PDE4B: variants seen among roughly 807,000 people sequenced by gnomAD.
PDE4B encodes 3',5'-cyclic-AMP phosphodiesterase 4B.
A neutral mutation model predicts 82.2 loss-of-function variants in PDE4B; 20 were observed. The observed-to-expected ratio is 0.24, with a 90% CI of 0.17 to 0.35. The LOEUF (loss-of-function observed/expected upper bound fraction) is 0.35. Ranked by LOEUF, PDE4B falls within the 10% of genes least tolerant of loss-of-function variation. PDE4B has a pLI of 1.00. For missense variants in PDE4B, 655 were observed against 907.2 expected, an observed-to-expected ratio of 0.72 and a Z score of 3.57; for synonymous variants, 320 against 318.9, an observed-to-expected ratio of 1.00 and a Z score of -0.04.
At chr1:65,929,317 G>A (rs975435061) in intron 3 of PDE4B, among the ~76,000 whole-genome samples, 9 of 152,184 alleles carry the variant, frequency 5.9e-5, no homozygotes, top group Admixed American at 3.9e-4. Context: ...TGGGGATGGG[G>A]AAGCTGTTCC....
intron 3 of PDE4B, among the ~76,000 whole-genome samples, chr1:66,106,732 G>C (rs1645367501): frequency 6.6e-6 from 1 of 151,648 alleles, no homozygotes; most frequent in Non-Finnish European, 1.5e-5. Flanking sequence ...GCATAGAGGT[G>C]TTTGTAGTAT....
intron 1 of PDE4B, among the ~76,000 whole-genome samples, chr1:65,856,143 A>G (rs746025493): frequency 5.9e-5 from 9 of 152,188 alleles, no homozygotes; most frequent in Non-Finnish European, 1.0e-4. Context: ...GACATTAATA[A>G]TTGAAAGATT....
At chr1:66,258,515 A>G (rs1022276450) in intron 6 of PDE4B, among the ~76,000 whole-genome samples, 7 of 152,320 alleles carry the variant, frequency 4.6e-5, no homozygotes, top group African/African-American at 1.4e-4. Context: ...ACTCTTCTGC[A>G]TGTTTTAAAA....
chr1:66,257,838 A>T lies in PDE4B; in HGVS notation c.559A>T (p.Thr187Ser). The change falls in exon 6 of 17, where the codon ACA becomes TCA. Residue 187 changes from threonine (T) to serine (S), a missense_variant. Thr to Ser is a moderately conservative substitution (Grantham distance 58). Around this residue, in one of 3 missense-constraint regions of PDE4B, gnomAD observed 253 missense variants for 275.6 expected, o/e 0.92. Coordinates refer to ENST00000341517, the MANE Select transcript of PDE4B (RefSeq NM_002600.4). ...RSVRNNFTILTNLHGTSNKRS... is the reference protein window; with the variant it reads ...RSVRNNFTILSNLHGTSNKRS... ...TGTGAGAAACAACTTCACTATACTGACAAACCTTCATGGTACATCTAACAA... is the reference window on the plus strand; with the variant it reads ...TGTGAGAAACAACTTCACTATACTGTCAAACCTTCATGGTACATCTAACAA... 1.2e-6 allele frequency: 2 copies of T among 1,613,200 alleles called. No homozygotes were observed. Among genetic ancestry groups the T allele is most frequent in the Non-Finnish European group, 1.7e-6 (2 of 1,179,218 alleles).
intron 4 of PDE4B, chr1:66,257,359 G>T: frequency 1.9e-6 from 1 of 535,238 alleles, no homozygotes; most frequent in Non-Finnish European, 3.5e-6. Context: ...ACAGTACTCT[G>T]GATCTGTTAT....
chr1:65,984,494 A>G (rs1650852415), intron 3 of PDE4B, among the ~76,000 whole-genome samples: 1 of 152,214 alleles, frequency 6.6e-6, no homozygotes, highest in African/African-American at 2.4e-5. Flanking sequence ...TTAAAAAGTA[A>G]AACAAAAGAG....
intron 3 of PDE4B, among the ~76,000 whole-genome samples, chr1:66,214,053 C>T (rs544600208): frequency 1.5e-4 from 23 of 152,266 alleles, no homozygotes; most frequent in Admixed American, 6.5e-4. Context: ...AAAGATGAGA[C>T]ATCAGGCCAA....
At chr1:66,014,545 C>T (rs1364220154) in intron 3 of PDE4B, among the ~76,000 whole-genome samples, 2 of 152,052 alleles carry the variant, frequency 1.3e-5, no homozygotes, top group Non-Finnish European at 2.9e-5. Context: ...TGGTACCCAG[C>T]TCTCCCAACA....
intron 3 of PDE4B, among the ~76,000 whole-genome samples, chr1:66,216,850 T>C (rs571208460): frequency 6.6e-6 from 1 of 152,264 alleles, no homozygotes; most frequent in Admixed American, 6.5e-5. Flanking sequence ...GCCAAATTCT[T>C]TTCTGGACTT....
At chr1:66,356,387 G>C (rs184896456) in intron 9 of PDE4B, among the ~76,000 whole-genome samples, 84 of 152,300 alleles carry the variant, frequency 5.5e-4, no homozygotes, top group Middle Eastern at 3.4e-3. Context: ...TTTGTCTAAC[G>C]AACCTATTTG....
intron 1 of PDE4B, among the ~76,000 whole-genome samples, chr1:65,843,958 C>T (rs115811542): frequency 7.5e-4 from 114 of 152,188 alleles, no homozygotes; most frequent in African/African-American, 2.6e-3. Context: ...CCATATAAAG[C>T]TTATATGAGT....
intron 7 of PDE4B, among the ~76,000 whole-genome samples, chr1:66,287,984 A>G (rs914753306): frequency 6.6e-6 from 1 of 152,126 alleles, no homozygotes; most frequent in African/African-American, 2.4e-5. Context: ...TAAAAAAACA[A>G]AACAAAAAAC....
At chr1:65,826,167 A>G (rs1258036414) in intron 1 of PDE4B, among the ~76,000 whole-genome samples, 1 of 152,166 alleles carries the variant, frequency 6.6e-6, no homozygotes, top group Admixed American at 6.5e-5. Flanking sequence ...GGCTTATGGG[A>G]ACTAGGTGTA....
At chr1:66,105,365 A>T (rs1645326390) in intron 3 of PDE4B, among the ~76,000 whole-genome samples, 1 of 151,890 alleles carries the variant, frequency 6.6e-6, no homozygotes, top group African/African-American at 2.4e-5. Context: ...GTTTGAAGTC[A>T]GGTAGCGTGA....
intron 3 of PDE4B, among the ~76,000 whole-genome samples, chr1:66,016,520 A>G (rs1014879238): frequency 6.6e-6 from 1 of 152,228 alleles, no homozygotes; most frequent in Non-Finnish European, 1.5e-5. Context: ...AAGGAAGAGT[A>G]TATATTAGAG....
intron 7 of PDE4B, 133 bp from the exon 8 acceptor site, chr1:66,332,375 G>A (rs780893456): frequency 1.2e-6 from 2 of 1,612,906 alleles, no homozygotes; most frequent in South Asian, 1.1e-5. Flanking sequence ...GAAGGAAGGA[G>A]CCAGCGTGCA....
intron 3 of PDE4B, among the ~76,000 whole-genome samples, chr1:66,011,548 A>G (rs1652488532): frequency 6.6e-6 from 1 of 152,112 alleles, no homozygotes; most frequent in South Asian, 2.1e-4. Context: ...GTAGGGCATT[A>G]TGTAGAAGAG....
intron 3 of PDE4B, among the ~76,000 whole-genome samples, chr1:66,094,260 G>A (rs1570214868): frequency 6.6e-6 from 1 of 151,976 alleles, no homozygotes; most frequent in African/African-American, 2.4e-5. Flanking sequence ...TTGGAGAAAT[G>A]ACTGCGCTTC....
chr1:65,942,021 A>G (rs1054303421), intron 3 of PDE4B, among the ~76,000 whole-genome samples: 1 of 152,102 alleles, frequency 6.6e-6, no homozygotes, highest in African/African-American at 2.4e-5. Flanking sequence ...AAGTCAAATT[A>G]CATCATATTT....
Sources: allele counts gnomAD v4.1 joint callset (sites outside exome capture counted in the v4.1 genomes callset), GRCh38; gene constraint gnomAD v4.1.1; regional missense constraint gnomAD v4.1.1; transcripts MANE v1.5; gene names NCBI Gene and HGNC (gene_info 2026-07-23, HGNC 2026-07-21).